The following CNNM2 variants were observed in gnomAD, a reference collection of about 807,000 sequenced individuals.
CNNM2 encodes cyclin and CBS domain divalent metal cation transport mediator 2, also known as metal transporter CNNM2.
In CNNM2, 12 loss-of-function variants were observed where a neutral mutation model predicts 66.9. The observed-to-expected ratio is 0.18, with a 90% CI of 0.11 to 0.29. The LOEUF is 0.29. CNNM2 is among the 10% of genes least tolerant of loss of function. The pLI is 1.00. For missense variants in CNNM2, 705 were observed against 1,167.7 expected (o/e 0.60, Z 5.77); for synonymous variants, 557 against 501.8 (o/e 1.11, Z -1.47).
At chr10:103,073,679 G>T (rs2134367716) in intron 6 of CNNM2, among the ~76,000 whole-genome samples, 1 of 151,930 alleles carries the variant, frequency 6.6e-6, no homozygotes, top group Middle Eastern at 3.4e-3. Flanking sequence ...GGCTAACAAG[G>T]TGAAACCCCG....
At chr10:103,062,606 C>A (rs927932715) in intron 4 of CNNM2, among the ~76,000 whole-genome samples, 4 of 152,136 alleles carry the variant, frequency 2.6e-5, no homozygotes, top group Admixed American at 1.3e-4. Context: ...TGAATAAATT[C>A]TCAATGTGTA....
At chr10:102,996,743 G>T (rs1006108670) in intron 1 of CNNM2, among the ~76,000 whole-genome samples, 1 of 152,188 alleles carries the variant, frequency 6.6e-6, no homozygotes, top group Non-Finnish European at 1.5e-5. Context: ...TAATTTATTT[G>T]CATTATCATA....
chr10:102,992,793 T>G (rs1364388950), intron 1 of CNNM2, among the ~76,000 whole-genome samples: 1 of 152,192 alleles, frequency 6.6e-6, no homozygotes, highest in Non-Finnish European at 1.5e-5. Flanking sequence ...TCTCTGATTT[T>G]CCAGCTGGGG....
intron 2 of CNNM2, among the ~76,000 whole-genome samples, chr10:103,051,578 A>G (rs1234797141): frequency 3.3e-5 from 5 of 151,670 alleles, no homozygotes; most frequent in Non-Finnish European, 7.4e-5. Flanking sequence ...CCATCTCTAC[A>G]AAAATATAAA....
rs1590566706 is a variant in CNNM2 at position 103,089,840 on chromosome 10, G to A, written c.*12660G>A. The A allele has an allele frequency of 6.2e-7, 1 of 1,614,058 alleles. No individual in the cohort carries two copies. The highest frequency in any genetic ancestry group is 8.5e-7 in the Non-Finnish European group (1 of 1,180,004). ...TGAAATCCACTGATGTGCGGTTCCG[G>A]GTGGCAAGAGGAGACTCCATCTCAT... is the stretch of plus-strand genomic sequence containing the variant. On this transcript the variant is annotated 3_prime_UTR_variant, in exon 8 of 8. Transcript: ENST00000369878.
chr10:103,000,488 G>A (rs967010133), intron 1 of CNNM2, among the ~76,000 whole-genome samples: 3 of 151,666 alleles, frequency 2.0e-5, no homozygotes, highest in Admixed American at 6.6e-5. Context: ...CGATCTCACC[G>A]TGTCACTCAG....
chr10:103,040,849 G>A (rs1016950115), intron 1 of CNNM2, among the ~76,000 whole-genome samples: 11 of 152,134 alleles, frequency 7.2e-5, no homozygotes, highest in Non-Finnish European at 1.2e-4. Flanking sequence ...TTTGTATATC[G>A]TACAGCATTT....
chr10:103,055,695 C>T (rs950974837), intron 3 of CNNM2, among the ~76,000 whole-genome samples: 6 of 152,242 alleles, frequency 3.9e-5, no homozygotes, highest in African/African-American at 1.4e-4. Flanking sequence ...ACAGAACTTA[C>T]AGCTTTCATA....
At chr10:103,005,430 C>T (rs544480876) in intron 1 of CNNM2, among the ~76,000 whole-genome samples, 3 of 152,082 alleles carry the variant, frequency 2.0e-5, no homozygotes, top group African/African-American at 7.2e-5. Context: ...GGGTGGATCA[C>T]CTGAGGTCAG....
chr10:103,025,933 G>A (rs1419063000), intron 1 of CNNM2, among the ~76,000 whole-genome samples: 1 of 152,214 alleles, frequency 6.6e-6, no homozygotes, highest in East Asian at 1.9e-4. Flanking sequence ...AACACTGGGA[G>A]ATGGGGGTCT....
At position 103,087,749 on chromosome 10, in the gene CNNM2, T is replaced by G. The variant is rs1460081255; in HGVS notation, c.*10569T>G. The G allele has an allele frequency of 6.6e-6, 1 of 152,182 alleles. No homozygotes were observed. Among genetic ancestry groups the G allele is most frequent in the Non-Finnish European group, 1.5e-5 (1 of 68,022 alleles). The allele number at this position is 152,182 out of a possible 1,614,324, so 9.4% of individuals were successfully genotyped here. On this transcript the variant is annotated 3_prime_UTR_variant, in exon 8 of 8. Transcript: ENST00000369878. ...CACATTCTCCTAACACGGGCAACAG[T>G]CTAGTCTAATTGTTATTGCATTTCT...
chr10:102,940,003 A>AACAACAAC (rs1554889978), intron 1 of CNNM2, among the ~76,000 whole-genome samples: 2 of 150,658 alleles, frequency 1.3e-5, no homozygotes, highest in African/African-American at 4.9e-5. Context: ...ACAACAACAA[A>AACAACAAC]AAAAAAACCG....
chr10:102,989,997 T>C (rs1435453574), intron 1 of CNNM2, among the ~76,000 whole-genome samples: 2 of 151,130 alleles, frequency 1.3e-5, no homozygotes, highest in African/African-American at 2.4e-5. Context: ...CAGGCTGCAG[T>C]GCAGTGGTGC....
At chr10:102,940,743 A>C (rs897522992) in intron 1 of CNNM2, among the ~76,000 whole-genome samples, 1 of 150,706 alleles carries the variant, frequency 6.6e-6, no homozygotes, top group African/African-American at 2.4e-5. Context: ...TTTTTTTGAG[A>C]TGGAGTCTCG....
At chr10:103,047,105 A>T (rs1447571371) in intron 1 of CNNM2, among the ~76,000 whole-genome samples, 2 of 152,214 alleles carry the variant, frequency 1.3e-5, no homozygotes, top group Non-Finnish European at 2.9e-5. Flanking sequence ...GGCTAGACTT[A>T]GTGATTTGTT....
At chr10:103,041,085 A>G (rs1455857326) in intron 1 of CNNM2, among the ~76,000 whole-genome samples, 2 of 152,168 alleles carry the variant, frequency 1.3e-5, no homozygotes, top group Non-Finnish European at 2.9e-5. Flanking sequence ...AAGGGGCCAC[A>G]TGGAGGGTGT....
chr10:102,985,474 G>A (rs181165803), intron 1 of CNNM2, among the ~76,000 whole-genome samples: 6 of 152,278 alleles, frequency 3.9e-5, no homozygotes, highest in African/African-American at 1.4e-4. Context: ...GCTAGATACA[G>A]GAAGTGTTTA....
intron 1 of CNNM2, among the ~76,000 whole-genome samples, chr10:102,948,392 G>A (rs765807685): frequency 6.6e-6 from 1 of 152,134 alleles, no homozygotes; most frequent in African/African-American, 2.4e-5. Flanking sequence ...GGAAATTTGG[G>A]TGTGGAAAAG....
chr10:102,937,516 C>G (rs1205410778), intron 1 of CNNM2, among the ~76,000 whole-genome samples: 1 of 152,102 alleles, frequency 6.6e-6, no homozygotes, highest in East Asian at 1.9e-4. Flanking sequence ...TAAATAATCA[C>G]TGTAAATCTA....
Sources: gnomAD v4.1 joint callset for allele counts (sites outside exome capture counted in the v4.1 genomes callset) on GRCh38, gnomAD v4.1.1 for gene constraint, MANE v1.5 for transcripts, NCBI Gene and HGNC (gene_info 2026-07-23, HGNC 2026-07-21) for gene names.